STARD13: variants seen among roughly 807,000 people sequenced by gnomAD.
STARD13 encodes the protein StAR related lipid transfer domain containing 13.
A neutral mutation model predicts 106.4 loss-of-function variants in STARD13; 62 were observed. The ratio of observed to expected loss-of-function variants is 0.58; its 90% CI spans 0.48 to 0.72. The LOEUF (loss-of-function observed/expected upper bound fraction) is 0.72. Among genes scored for constraint, STARD13 ranks in the 30% least tolerant of loss-of-function variants. STARD13 has a pLI of 0.00. For synonymous variants in STARD13, 565 were observed against 553.0 expected (o/e 1.02, Z -0.31); for missense variants, 1,387 against 1,424.0 (o/e 0.97, Z 0.42).
intron 1 of STARD13, among the ~76,000 whole-genome samples, chr13:33,334,240 G>A (rs1013480805): frequency 3.9e-5 from 6 of 152,180 alleles, no homozygotes; most frequent in African/African-American, 9.7e-5. Flanking sequence ...TTTACTATGT[G>A]GATTATACAG....
the STARD13 span, among the ~76,000 whole-genome samples, chr13:33,636,156 A>G: frequency 1.3e-5 from 2 of 151,670 alleles, no homozygotes; most frequent in South Asian, 4.2e-4. Flanking sequence ...AAAAAAAAAA[A>G]AAAAAGCACA....
chr13:33,172,106 C>T (rs752505950), intron 1 of STARD13, among the ~76,000 whole-genome samples: 1 of 152,128 alleles, frequency 6.6e-6, no homozygotes, highest in Non-Finnish European at 1.5e-5. Context: ...AACTCTTGCC[C>T]CATTATGAAC....
At chr13:33,434,939 A>T in the STARD13 span, among the ~76,000 whole-genome samples, 1 of 150,750 alleles carries the variant, frequency 6.6e-6, no homozygotes, top group South Asian at 2.1e-4. Flanking sequence ...GGAAGGAAGG[A>T]AGGAAACTAT....
At chr13:33,450,891 T>C in the STARD13 span, among the ~76,000 whole-genome samples, 1 of 152,130 alleles carries the variant, frequency 6.6e-6, no homozygotes, top group Admixed American at 6.6e-5. Flanking sequence ...TTTTTGTATG[T>C]TTTTTAAAAG....
At chr13:33,550,157 C>G in the STARD13 span, among the ~76,000 whole-genome samples, 1 of 152,196 alleles carries the variant, frequency 6.6e-6, no homozygotes, top group African/African-American at 2.4e-5. Flanking sequence ...GTGCCAAAAT[C>G]TTGCAGTCGT....
At chr13:33,646,381 C>T in the STARD13 span, among the ~76,000 whole-genome samples, 567 of 152,298 alleles carry the variant, frequency 3.7e-3, 5 homozygotes, top group African/African-American at 0.013. Flanking sequence ...CATTCTGCCT[C>T]GGGATATACA....
intron 4 of STARD13, among the ~76,000 whole-genome samples, chr13:33,138,240 T>C (rs1396605761): frequency 1.3e-5 from 2 of 152,210 alleles, no homozygotes; most frequent in African/African-American, 4.8e-5. Context: ...CTCTGGCTTT[T>C]ACTTTGAATA....
the STARD13 span, among the ~76,000 whole-genome samples, chr13:33,417,722 G>A: frequency 3.3e-5 from 5 of 152,274 alleles, no homozygotes; most frequent in East Asian, 1.9e-4. Context: ...AGGCAAATCC[G>A]TAGAGACACA....
At chr13:33,516,847 G>A in the STARD13 span, among the ~76,000 whole-genome samples, 1 of 151,096 alleles carries the variant, frequency 6.6e-6, no homozygotes, top group Non-Finnish European at 1.5e-5. Context: ...AGGATGAGGA[G>A]CAAGGATCAC....
the STARD13 span, among the ~76,000 whole-genome samples, chr13:33,546,622 A>G: frequency 6.6e-6 from 1 of 151,636 alleles, no homozygotes; most frequent in Non-Finnish European, 1.5e-5. Context: ...GATGAGCTAA[A>G]TTTATTTATT....
exon 2 of STARD13, chr13:33,349,146 G>T (rs1458766593): frequency 1.4e-6 from 1 of 702,184 alleles, no homozygotes; most frequent in Non-Finnish European, 2.6e-6. Context: ...TTCTTTCTAG[G>T]CATCAGACCT....
Position 33,295,706 on chromosome 13 carries a change from G to GC in STARD13, c.124+54583_124+54584insG, listed in dbSNP as rs530213637. ...GACAGAGGTGTGCAGAGGGTGCCCGGGGGGGGCAGAGGAGAGACGACTAAG... is the reference window on the plus strand; with the variant it reads ...GACAGAGGTGTGCAGAGGGTGCCCGGCGGGGGGCAGAGGAGAGACGACTAAG... On this transcript the variant is annotated intron_variant, in intron 1 of 5. Coordinates refer to the STARD13 transcript ENST00000567873. Among the ~76,000 whole-genome samples the GC allele has an allele frequency of 1.4e-3, 203 of 148,370 alleles. 5 individuals carry two copies. In the East Asian group the frequency reaches 0.033, roughly 24 times the overall value.
intron 1 of STARD13, among the ~76,000 whole-genome samples, chr13:33,291,547 G>C (rs1376129173): frequency 6.6e-6 from 1 of 152,120 alleles, no homozygotes; most frequent in African/African-American, 2.4e-5. Context: ...ATTATGGGAG[G>C]CTTTATTTTT....
chr13:33,360,729 T>TTCCTTCTGTGTAGACAGAAGG, the STARD13 span, among the ~76,000 whole-genome samples: 1 of 8,784 alleles, frequency 1.1e-4, no homozygotes, highest in African/African-American at 4.3e-4. Flanking sequence ...CAGAAGGACA[T>TTCCTTCTGTGTAGACAGAAGG]ATTGTTGATC....
chr13:33,260,262 T>C (rs1192075717), intron 1 of STARD13, among the ~76,000 whole-genome samples: 3 of 152,202 alleles, frequency 2.0e-5, no homozygotes, highest in African/African-American at 4.8e-5. Context: ...ATTTCAAATA[T>C]TCATTTGCCA....
At chr13:33,354,550 C>A (rs1435644035), upstream of STARD13, among the ~76,000 whole-genome samples, 2 of 152,188 alleles carry the variant, frequency 1.3e-5, no homozygotes, top group East Asian at 3.9e-4. Flanking sequence ...AGGACTAGCA[C>A]AGAACTTTTA....
chr13:33,261,045 A>C (rs921060122), intron 1 of STARD13, among the ~76,000 whole-genome samples: 8 of 152,244 alleles, frequency 5.3e-5, no homozygotes, highest in Non-Finnish European at 1.2e-4. Flanking sequence ...CAATCTTCAA[A>C]GAAGACTCTG....
intron 1 of STARD13, among the ~76,000 whole-genome samples, chr13:33,301,568 C>CTTTTTT (rs11393186): frequency 2.8e-5 from 2 of 72,062 alleles, no homozygotes; most frequent in African/African-American, 9.7e-5. Context: ...CTTTTTTTTT[C>CTTTTTT]TTTTTTTTTT....
At chr13:33,139,270 G>A (rs1998728) in intron 4 of STARD13, among the ~76,000 whole-genome samples, 31,422 of 152,210 alleles carry the variant, frequency 0.21, 3,616 homozygotes, top group South Asian at 0.29. Flanking sequence ...TCAGTCCAGT[G>A]CCAGATTACC....
Sources: allele counts gnomAD v4.1 joint callset (sites outside exome capture counted in the v4.1 genomes callset), GRCh38; gene constraint gnomAD v4.1.1; transcripts MANE v1.5; gene names NCBI Gene and HGNC (gene_info 2026-07-23, HGNC 2026-07-21).